CAMKMT: variants seen among roughly 807,000 people sequenced by gnomAD.
CAMKMT encodes the protein calmodulin-lysine N-methyltransferase.
In CAMKMT, 53 loss-of-function variants were observed where a neutral mutation model predicts 48.0. The observed-to-expected ratio is 1.10, with a 90% CI of 0.89 to 1.39. CAMKMT has a LOEUF of 1.39. CAMKMT is among the 40% of genes most tolerant of loss of function. CAMKMT has a pLI of 0.00. For missense variants in CAMKMT, 428 were observed against 402.7 expected (o/e 1.06, Z -0.54); for synonymous variants, 165 against 152.3 (o/e 1.08, Z -0.61).
chr2:44,363,767 G>A (rs1396030030), intron 1 of CAMKMT, among the ~76,000 whole-genome samples: 1 of 145,446 alleles, frequency 6.9e-6, no homozygotes, highest in East Asian at 2.0e-4. Context: ...TCGGCTCACT[G>A]CAGCCTCCGC....
chr2:44,480,093 T>C (rs1668889064), intron 3 of CAMKMT, among the ~76,000 whole-genome samples: 1 of 152,206 alleles, frequency 6.6e-6, no homozygotes, highest in Non-Finnish European at 1.5e-5. Context: ...GGTTTTAACA[T>C]TGCCATTCAA....
rs183806020 is a variant in CAMKMT, at chr2:44,446,273, T to C, written c.376+55968T>C. On this transcript the variant is annotated intron_variant, in intron 3 of 10. Coordinates refer to ENST00000378494, the MANE Select transcript of CAMKMT (RefSeq NM_024766.5). ...ACAGATATTTACTGAATGCCAGTTATGTGTCAGGTTCAGTTGCGTTGATTA... is the reference window on the plus strand; with the variant it reads ...ACAGATATTTACTGAATGCCAGTTACGTGTCAGGTTCAGTTGCGTTGATTA... Among the ~76,000 whole-genome samples, 14 of 152,088 alleles carry C rather than the reference T, an allele frequency of 9.2e-5. No individual in the cohort carries two copies. The East Asian group carries it at 1.8e-3, about 19-fold the overall frequency.
intron 3 of CAMKMT, among the ~76,000 whole-genome samples, chr2:44,394,505 G>A (rs1033786501): frequency 6.6e-6 from 1 of 151,604 alleles, no homozygotes; most frequent in African/African-American, 2.4e-5. Context: ...TTGGCTCACT[G>A]CAACCTCTGC....
At chr2:44,719,771 G>A (rs1164166259) in intron 7 of CAMKMT, among the ~76,000 whole-genome samples, 1 of 152,114 alleles carries the variant, frequency 6.6e-6, no homozygotes, top group African/African-American at 2.4e-5. Flanking sequence ...CGCATGTAGT[G>A]TCTGTAGACA....
intron 3 of CAMKMT, among the ~76,000 whole-genome samples, chr2:44,495,603 GTGTTAA>G (rs780943623): frequency 6.6e-6 from 1 of 152,196 alleles, no homozygotes; most frequent in Non-Finnish European, 1.5e-5. Flanking sequence ...AGCTTTTGTA[GTGTTAA>G]TGTTAATACT....
At chr2:44,683,844 GAAAA>G (rs1195347686) in intron 3 of CAMKMT, among the ~76,000 whole-genome samples, 1 of 94,204 alleles carries the variant, frequency 1.1e-5, no homozygotes, top group Non-Finnish European at 2.3e-5. Flanking sequence ...AAAAAAAAAA[GAAAA>G]AGAAAAAAGA....
At chr2:44,760,111 A>G (rs1052246408) in intron 9 of CAMKMT, among the ~76,000 whole-genome samples, 1 of 152,174 alleles carries the variant, frequency 6.6e-6, no homozygotes, top group Non-Finnish European at 1.5e-5. Context: ...AGCAGGACAG[A>G]TGAACACATG....
At chr2:44,477,514 A>G (rs1668749626) in intron 3 of CAMKMT, among the ~76,000 whole-genome samples, 1 of 152,222 alleles carries the variant, frequency 6.6e-6, no homozygotes, top group Admixed American at 6.5e-5. Context: ...TCAATAAACA[A>G]TTTAAAAATA....
intron 3 of CAMKMT, among the ~76,000 whole-genome samples, chr2:44,517,246 A>T (rs942480846): frequency 1.3e-5 from 2 of 152,198 alleles, no homozygotes; most frequent in Admixed American, 1.3e-4. Flanking sequence ...TTGAATGAAG[A>T]CAACGCAAAA....
At chr2:44,530,735 G>C (rs1486775059) in intron 3 of CAMKMT, among the ~76,000 whole-genome samples, 3 of 152,004 alleles carry the variant, frequency 2.0e-5, no homozygotes, top group Non-Finnish European at 4.4e-5. Context: ...TTATATATTA[G>C]GGGGAGGAAA....
chr2:44,467,601 C>G (rs961605932), intron 3 of CAMKMT, among the ~76,000 whole-genome samples: 6 of 151,230 alleles, frequency 4.0e-5, no homozygotes, highest in African/African-American at 1.5e-4. Context: ...ACCACCACCA[C>G]CAAAATATAC....
chr2:44,481,090 CAT>C (rs1308606734), intron 3 of CAMKMT, among the ~76,000 whole-genome samples: 1 of 151,960 alleles, frequency 6.6e-6, no homozygotes, highest in African/African-American at 2.4e-5. Flanking sequence ...ATTAGTGTCA[CAT>C]ATGATTCCAT....
chr2:44,557,520 T>G (rs915845948), intron 3 of CAMKMT, among the ~76,000 whole-genome samples: 4 of 152,220 alleles, frequency 2.6e-5, no homozygotes, highest in Non-Finnish European at 5.9e-5. Flanking sequence ...CATCTTGACC[T>G]GAGGGAATGT....
At chr2:44,461,800 T>G (rs1011654850) in intron 3 of CAMKMT, among the ~76,000 whole-genome samples, 1 of 152,216 alleles carries the variant, frequency 6.6e-6, no homozygotes, top group Non-Finnish European at 1.5e-5. Context: ...CAGTGCTAGT[T>G]AGAATGATAA....
intron 3 of CAMKMT, among the ~76,000 whole-genome samples, chr2:44,641,106 A>G (rs1360062646): frequency 6.6e-6 from 1 of 152,124 alleles, no homozygotes; most frequent in Non-Finnish European, 1.5e-5. Context: ...TTTATCTCAC[A>G]CATTATCTTC....
rs960363047 is a variant in CAMKMT at position 44,586,381 on chromosome 2, A to C, written c.377-117902A>C. 1.9e-4 allele frequency among the ~76,000 whole-genome samples: 17 copies of C among 91,084 alleles called. No homozygotes were observed. In the South Asian group the frequency reaches 3.1e-3, roughly 17 times the overall value. 59.8% of individuals were successfully genotyped at this position (91,084 alleles called of 152,430 possible). A position where few individuals can be genotyped will look rare whatever the true frequency, so the allele number is the denominator to read the frequency against. ...TAATGAAACTATTACCACAATCAAA[A>C]TAATGAACATATTTATCACCCCCAA... On this transcript the variant is annotated intron_variant, in intron 3 of 10. Transcript: ENST00000378494.
At chr2:44,399,851 G>T (rs543621649) in intron 3 of CAMKMT, among the ~76,000 whole-genome samples, 1 of 152,106 alleles carries the variant, frequency 6.6e-6, no homozygotes, top group African/African-American at 2.4e-5. Flanking sequence ...GTACAGCCTC[G>T]TTTGCCTCCA....
At chr2:44,717,078 A>G (rs145507013) in intron 7 of CAMKMT, among the ~76,000 whole-genome samples, 1 of 152,264 alleles carries the variant, frequency 6.6e-6, no homozygotes, top group East Asian at 1.9e-4. Context: ...GCAAAATGTC[A>G]TTATTCAACA....
chr2:44,369,244 A>T (rs929805944), intron 1 of CAMKMT, among the ~76,000 whole-genome samples: 3 of 152,158 alleles, frequency 2.0e-5, no homozygotes, highest in African/African-American at 7.2e-5. Context: ...CTTCAAAGAG[A>T]GACTACCTTT....
Sources: allele counts gnomAD v4.1 joint callset (sites outside exome capture counted in the v4.1 genomes callset), GRCh38; gene constraint gnomAD v4.1.1; transcripts MANE v1.5; gene names NCBI Gene and HGNC (gene_info 2026-07-23, HGNC 2026-07-21).